Variants in GABBR2 observed in about 807,000 individuals in gnomAD.
GABBR2 encodes gamma-aminobutyric acid type B receptor subunit 2.
Under a neutral mutation model 105.6 loss-of-function variants are expected in GABBR2, and 23 were observed. The observed-to-expected ratio is 0.22, with a 90% CI of 0.16 to 0.31. The LOEUF (loss-of-function observed/expected upper bound fraction) is 0.31. GABBR2 is among the 10% of genes least tolerant of loss of function. The pLI, the probability that GABBR2 is intolerant of heterozygous loss-of-function variation, is 1.00. For missense variants in GABBR2, 734 were observed against 1,245.5 expected (o/e 0.59, Z 6.18); for synonymous variants, 478 against 499.7 (o/e 0.96, Z 0.58).
chr9:98,687,201 C>A (rs1460991338), intron 1 of GABBR2, among the ~76,000 whole-genome samples: 1 of 151,380 alleles, frequency 6.6e-6, no homozygotes, highest in Non-Finnish European at 1.5e-5. Context: ...CAGTTCCAAG[C>A]AGAATAAGGG....
At chr9:98,583,107 C>T (rs1395370677) in intron 1 of GABBR2, among the ~76,000 whole-genome samples, 2 of 152,210 alleles carry the variant, frequency 1.3e-5, no homozygotes, top group Admixed American at 6.5e-5. Flanking sequence ...GAGCTCTTGG[C>T]TAAAAGCAAG....
chr9:98,621,825 G>A (rs1052577383), intron 1 of GABBR2, among the ~76,000 whole-genome samples: 2 of 152,050 alleles, frequency 1.3e-5, no homozygotes, highest in African/African-American at 2.4e-5. Context: ...ACAGATATCC[G>A]GTGCTGAAAG....
At chr9:98,653,032 TG>T (rs1164684072) in intron 1 of GABBR2, among the ~76,000 whole-genome samples, 4 of 152,262 alleles carry the variant, frequency 2.6e-5, no homozygotes, top group Non-Finnish European at 5.9e-5. Context: ...GGACTTGCTC[TG>T]TTACCCAGGC....
At chr9:98,479,005 C>T (rs1038700729) in intron 5 of GABBR2, among the ~76,000 whole-genome samples, 1 of 152,054 alleles carries the variant, frequency 6.6e-6, no homozygotes, top group Non-Finnish European at 1.5e-5. Context: ...CATTATTTTC[C>T]TTTTTAAAGT....
At chr9:98,313,338 T>G (rs898447414) in intron 13 of GABBR2, among the ~76,000 whole-genome samples, 4 of 152,200 alleles carry the variant, frequency 2.6e-5, no homozygotes, top group Non-Finnish European at 4.4e-5. Context: ...AGGCACTTGA[T>G]GGTCTCACTG....
chr9:98,601,989 G>A (rs1017217177), intron 1 of GABBR2, among the ~76,000 whole-genome samples: 2 of 152,022 alleles, frequency 1.3e-5, no homozygotes, highest in African/African-American at 2.4e-5. Flanking sequence ...TTACTTGAAC[G>A]GCTCTTTATT....
intron 5 of GABBR2, among the ~76,000 whole-genome samples, chr9:98,477,171 G>T (rs969363780): frequency 6.6e-6 from 1 of 152,188 alleles, no homozygotes; most frequent in South Asian, 2.1e-4. Context: ...TGGTATACAG[G>T]GGCTACTCAA....
chr9:98,594,277 GC>G (rs776766295), intron 1 of GABBR2, among the ~76,000 whole-genome samples: 14 of 152,174 alleles, frequency 9.2e-5, no homozygotes, highest in Non-Finnish European at 1.9e-4. Flanking sequence ...CTCATTTCTG[GC>G]CCGCCTCCCA....
intron 1 of GABBR2, among the ~76,000 whole-genome samples, chr9:98,645,283 G>A (rs1830016173): frequency 6.6e-6 from 1 of 152,302 alleles, no homozygotes; most frequent in South Asian, 2.1e-4. Flanking sequence ...GCACCTAGAA[G>A]CACAATTTGT....
At position 98,508,830 on chromosome 9, in the gene GABBR2, C is replaced by T. The variant is rs575284049; in HGVS notation, c.631-12316G>A. Among the ~76,000 whole-genome samples the T allele has an allele frequency of 3.9e-4, 59 of 152,158 alleles. No individual in the cohort carries two copies. The East Asian group carries it at 0.011, about 28-fold the overall frequency. ...GGAGGCCTGCCTGCCTCTGTAGGCT[C>T]CACCTCTGGGGGCAGGGCACAGACA... On this transcript the variant is annotated intron_variant, in intron 3 of 18. Transcript: ENST00000259455.
At chr9:98,588,966 C>A (rs116796940) in intron 1 of GABBR2, among the ~76,000 whole-genome samples, 1 of 152,328 alleles carries the variant, frequency 6.6e-6, no homozygotes, top group African/African-American at 2.4e-5. Context: ...CACTATGTCA[C>A]GAGAGAAACC....
chr9:98,391,922 G>A (rs531186648), intron 9 of GABBR2, among the ~76,000 whole-genome samples: 4 of 152,306 alleles, frequency 2.6e-5, no homozygotes, highest in Non-Finnish European at 5.9e-5. Flanking sequence ...GGGAAGGCTA[G>A]CACAGCTGTG....
At chr9:98,522,565 G>T (rs1827888677) in intron 3 of GABBR2, among the ~76,000 whole-genome samples, 1 of 152,134 alleles carries the variant, frequency 6.6e-6, no homozygotes, top group Non-Finnish European at 1.5e-5. Flanking sequence ...TGTCTAGAGA[G>T]CTTATGATCA....
At chr9:98,530,803 C>A (rs1287300198) in intron 3 of GABBR2, among the ~76,000 whole-genome samples, 2 of 151,996 alleles carry the variant, frequency 1.3e-5, no homozygotes, top group Admixed American at 6.6e-5. Flanking sequence ...ATAGGGAGAC[C>A]ACACCATGCT....
intron 16 of GABBR2, among the ~76,000 whole-genome samples, chr9:98,300,388 T>G (rs9987447): frequency 0.066 from 10,112 of 152,146 alleles, 491 homozygotes; most frequent in East Asian, 0.2. Context: ...CGAGCGATCC[T>G]CCCACTTTGT....
At chr9:98,560,416 CATATACACATACACACACACACACAT>C (rs1336748702) in intron 2 of GABBR2, among the ~76,000 whole-genome samples, 3 of 99,954 alleles carry the variant, frequency 3.0e-5, no homozygotes, top group Non-Finnish European at 7.7e-5. Context: ...CACACACACA[CATATACACATACACACACACACACAT>C]ACACACACAC....
At chr9:98,343,877 G>C (rs896064811) in intron 13 of GABBR2, among the ~76,000 whole-genome samples, 6 of 151,830 alleles carry the variant, frequency 4.0e-5, no homozygotes, top group Admixed American at 6.6e-5. Context: ...AAGAAAAAAA[G>C]AAAAAAATCC....
intron 11 of GABBR2, among the ~76,000 whole-genome samples, chr9:98,373,851 C>CTTTTTTTTTTTTTT (rs577915397): frequency 3.5e-5 from 3 of 86,690 alleles, no homozygotes; most frequent in African/African-American, 4.9e-5. Context: ...CAAAGCATTC[C>CTTTTTTTTTTTTTT]TTTTTTTTTT....
chr9:98,570,627 A>C (rs1828816882), intron 2 of GABBR2, among the ~76,000 whole-genome samples: 1 of 152,136 alleles, frequency 6.6e-6, no homozygotes, highest in Non-Finnish European at 1.5e-5. Context: ...TTCAGGACAA[A>C]CCAGGCTGGT....
Sources: gnomAD v4.1 joint callset for allele counts (sites outside exome capture counted in the v4.1 genomes callset) on GRCh38, gnomAD v4.1.1 for gene constraint, MANE v1.5 for transcripts, NCBI Gene and HGNC (gene_info 2026-07-23, HGNC 2026-07-21) for gene names.